Variants in SMIM31 observed in about 807,000 individuals in gnomAD.
SMIM31 encodes small integral membrane protein 31, also known as human epithelial cell program regulator.
chr4:164,760,167 A>C (rs1732626852), intron 1 of SMIM31, among the ~76,000 whole-genome samples: 1 of 152,190 alleles, frequency 6.6e-6, no homozygotes, highest in African/African-American at 2.4e-5. Context: ...ACAAAGCAGG[A>C]CCAGATAATT....
intron 1 of SMIM31, among the ~76,000 whole-genome samples, chr4:164,764,191 C>G (rs1035140895): frequency 1.3e-5 from 2 of 152,142 alleles, no homozygotes; most frequent in African/African-American, 4.8e-5. Flanking sequence ...AACTCACTAT[C>G]ATTGGAGGCA....
intron 2 of SMIM31, among the ~76,000 whole-genome samples, chr4:164,781,559 A>C (rs936300984): frequency 6.6e-6 from 1 of 152,176 alleles, no homozygotes; most frequent in Non-Finnish European, 1.5e-5. Flanking sequence ...GTTTTAGGCC[A>C]GATCATTCTT....
At chr4:164,795,282 G>A (rs1242164365) in intron 2 of SMIM31, among the ~76,000 whole-genome samples, 2 of 152,086 alleles carry the variant, frequency 1.3e-5, no homozygotes, top group African/African-American at 4.8e-5. Context: ...CAGGAGCCAG[G>A]CGCCATGACT....
chr4:164,774,008 C>T (rs771017183), intron 2 of SMIM31, among the ~76,000 whole-genome samples: 2 of 151,632 alleles, frequency 1.3e-5, no homozygotes, highest in Non-Finnish European at 2.9e-5. Flanking sequence ...CTACTAAAAA[C>T]ACAAAAAATT....
intron 2 of SMIM31, among the ~76,000 whole-genome samples, chr4:164,776,388 T>C (rs1027401895): frequency 2.0e-5 from 3 of 152,184 alleles, no homozygotes; most frequent in African/African-American, 7.2e-5. Flanking sequence ...TTTTACATGC[T>C]GTTTGCAAGA....
intron 2 of SMIM31, among the ~76,000 whole-genome samples, chr4:164,783,892 T>C (rs1732994124): frequency 6.6e-6 from 1 of 152,204 alleles, no homozygotes; most frequent in South Asian, 2.1e-4. Flanking sequence ...TAACTACTTA[T>C]ACAGAAAAAC....
chr4:164,759,395 A>G (rs1732615292), intron 1 of SMIM31, among the ~76,000 whole-genome samples: 1 of 152,152 alleles, frequency 6.6e-6, no homozygotes, highest in African/African-American at 2.4e-5. Flanking sequence ...AGGTCCTACA[A>G]TGTATCAGTT....
intron 1 of SMIM31, among the ~76,000 whole-genome samples, chr4:164,764,212 T>C (rs894716693): frequency 1.3e-5 from 2 of 152,170 alleles, no homozygotes; most frequent in African/African-American, 4.8e-5. Flanking sequence ...TGGATTGCCC[T>C]ATATGTTTTT....
intron 2 of SMIM31, among the ~76,000 whole-genome samples, chr4:164,799,745 A>G (rs1733258645): frequency 6.6e-6 from 1 of 152,228 alleles, no homozygotes; most frequent in Non-Finnish European, 1.5e-5. Context: ...CAAAAAATTA[A>G]CCATCACAAA....
intron 2 of SMIM31, among the ~76,000 whole-genome samples, chr4:164,797,295 T>C (rs35145746): frequency 1.3e-5 from 2 of 152,132 alleles, no homozygotes; most frequent in Non-Finnish European, 2.9e-5. Flanking sequence ...TTATTTATTG[T>C]CTATCTCTGT....
intron 2 of SMIM31, among the ~76,000 whole-genome samples, chr4:164,782,657 A>G (rs960993720): frequency 4.6e-5 from 7 of 151,420 alleles, no homozygotes; most frequent in Admixed American, 2.6e-4. Flanking sequence ...TATAAACATC[A>G]TAGGAGAGAT....
intron 2 of SMIM31, among the ~76,000 whole-genome samples, chr4:164,772,296 C>A (rs1732814457): frequency 6.6e-6 from 1 of 152,070 alleles, no homozygotes; most frequent in Non-Finnish European, 1.5e-5. Flanking sequence ...ACTGCCATGA[C>A]GATAGCACCA....
chr4:164,779,959 C>T (rs561616635), intron 2 of SMIM31, among the ~76,000 whole-genome samples: 1 of 152,102 alleles, frequency 6.6e-6, no homozygotes, highest in Non-Finnish European at 1.5e-5. Context: ...TTGACAAACA[C>T]CCGAATCCAA....
intron 2 of SMIM31, among the ~76,000 whole-genome samples, chr4:164,794,124 C>T (rs1733144232): frequency 6.6e-6 from 1 of 152,132 alleles, no homozygotes; most frequent in Non-Finnish European, 1.5e-5. Context: ...CGTCTGTAAC[C>T]CCAGCATTTT....
At chr4:164,799,459 C>A (rs956342764) in intron 2 of SMIM31, among the ~76,000 whole-genome samples, 2 of 151,584 alleles carry the variant, frequency 1.3e-5, no homozygotes, top group Admixed American at 1.3e-4. Context: ...TTTTTAACAG[C>A]GATGGAAAGA....
chr4:164,774,168 GAA>G (rs11322166), intron 2 of SMIM31, among the ~76,000 whole-genome samples: 369 of 121,226 alleles, frequency 3.0e-3, no homozygotes, highest in African/African-American at 9.3e-3. Flanking sequence ...TCTGTCTCAA[GAA>G]AAAAAAAAAA....
At chr4:164,760,530 AG>A (rs1317009136) in intron 1 of SMIM31, among the ~76,000 whole-genome samples, 2 of 151,552 alleles carry the variant, frequency 1.3e-5, no homozygotes, top group Non-Finnish European at 2.9e-5. Flanking sequence ...CAGGAGTTCA[AG>A]ACCAGCCTGG....
chr4:164,759,919 T>C (rs557868321), intron 1 of SMIM31, among the ~76,000 whole-genome samples: 1 of 152,094 alleles, frequency 6.6e-6, no homozygotes. Context: ...GTTCCAACTT[T>C]TAATATGAGG....
At chr4:164,788,472 ATTTTTCTT>A (rs1733055693) in intron 2 of SMIM31, among the ~76,000 whole-genome samples, 1 of 60,506 alleles carries the variant, frequency 1.7e-5, no homozygotes, top group Non-Finnish European at 3.6e-5. Context: ...CTTTCTTCTA[ATTTTTCTT>A]TTTTTTTTTT....
Sources: allele counts gnomAD v4.1 joint callset (sites outside exome capture counted in the v4.1 genomes callset), GRCh38; gene constraint gnomAD v4.1.1; transcripts MANE v1.5; gene names NCBI Gene and HGNC (gene_info 2026-07-23, HGNC 2026-07-21).